Variants in ABCB10 observed in about 807,000 individuals in gnomAD.
ABCB10 encodes the protein ATP binding cassette subfamily B member 10, also known as ATP-binding cassette sub-family B member 10, mitochondrial.
In ABCB10, 54 loss-of-function variants were observed where a neutral mutation model predicts 65.4. The ratio of observed to expected loss-of-function variants is 0.83; its 90% CI spans 0.66 to 1.04. ABCB10 has a LOEUF of 1.04. ABCB10 is among the 50% of genes least tolerant of loss of function. The probability of loss-of-function intolerance (pLI) is 0.00; values close to 1 mark genes in which losing one functional copy is unlikely to be tolerated. For synonymous variants in ABCB10, 418 were observed against 406.5 expected, an observed-to-expected ratio of 1.03 and a Z score of -0.34; for missense variants, 846 against 976.6, an observed-to-expected ratio of 0.87 and a Z score of 1.78.
intron 10 of ABCB10, among the ~76,000 whole-genome samples, chr1:229,523,722 G>C (rs536079276): frequency 6.6e-6 from 1 of 152,168 alleles, no homozygotes; most frequent in African/African-American, 2.4e-5. Context: ...TGGTTACTTC[G>C]CTGAGAAACG....
chr1:229,524,484 G>GA (rs1662386365), intron 10 of ABCB10, among the ~76,000 whole-genome samples: 1 of 151,674 alleles, frequency 6.6e-6, no homozygotes, highest in Non-Finnish European at 1.5e-5. Flanking sequence ...ATCTTGCAAG[G>GA]AAACATTTCA....
intron 6 of ABCB10, among the ~76,000 whole-genome samples, chr1:229,537,427 C>T (rs1012916214): frequency 6.6e-6 from 1 of 152,196 alleles, no homozygotes; most frequent in Non-Finnish European, 1.5e-5. Context: ...AATAGAATTT[C>T]TTGCTTTGTA....
Position 229,544,182 on chromosome 1 carries a change from G to A in ABCB10, c.922-1811C>T, listed in dbSNP as rs573678387. The stretch of plus-strand genomic sequence containing the variant: ...TAATCCTAGCATTTCGGGAGGCTGA[G>A]GCAGGCGGATCGCTTGAGCCCAGGA... On this transcript the variant is annotated intron_variant, in intron 3 of 12. Coordinates refer to ENST00000344517, the MANE Select transcript of ABCB10 (RefSeq NM_012089.3). Among the ~76,000 whole-genome samples the A allele has an allele frequency of 2.6e-5, 4 of 152,304 alleles. No individual in the cohort carries two copies. In the East Asian group the frequency reaches 5.8e-4, roughly 22 times the overall value.
intron 11 of ABCB10, 83 bp downstream of exon 11, chr1:229,521,509 G>T: frequency 2.8e-6 from 4 of 1,409,300 alleles, no homozygotes; most frequent in African/African-American, 1.5e-5. Flanking sequence ...AAAGGAAGAA[G>T]ACAAATAGTA....
chr1:229,534,009 T>C (rs779574842), intron 6 of ABCB10, among the ~76,000 whole-genome samples: 3 of 152,132 alleles, frequency 2.0e-5, no homozygotes, highest in Non-Finnish European at 2.9e-5. Context: ...GAAGAAAATA[T>C]CTGTAAAAGA....
At position 229,558,624 on chromosome 1, in the gene ABCB10, C is replaced by T; in HGVS notation, c.29G>A (p.Arg10Gln). The change falls in exon 1 of 13, where the codon CGG (arginine) becomes CAG (glutamine). Residue 10 changes from arginine (R) to glutamine (Q), a missense_variant. By Grantham distance (43) the Arg-to-Gln change is conservative (BLOSUM62 1). Transcript: ENST00000344517. ...GGCAGGGCTCGGTGGCTCGAGCAGC[C>T]GCAGCGGCCAGGCAGGGGGGCCTCG... MRGPPAWPL[R>Q]LLEPPSPAEP... 2 of 1,409,772 alleles carry T rather than the reference C, an allele frequency of 1.4e-6. No homozygotes were observed. Among genetic ancestry groups the T allele is most frequent in the Non-Finnish European group, 1.8e-6 (2 of 1,081,998 alleles). The allele number at this position is 1,409,772 out of a possible 1,614,324, so 87.3% of individuals were successfully genotyped here.
intron 10 of ABCB10, among the ~76,000 whole-genome samples, chr1:229,524,751 C>A (rs1296942000): frequency 2.0e-5 from 3 of 152,118 alleles, no homozygotes; most frequent in Non-Finnish European, 4.4e-5. Context: ...TGTCTATGCA[C>A]GGCCCTCAAG....
intron 10 of ABCB10, 65 bp downstream of exon 10, chr1:229,525,871 A>C (rs1662427300): frequency 6.6e-7 from 1 of 1,524,066 alleles, no homozygotes; most frequent in Non-Finnish European, 8.8e-7. Context: ...AACAAAAAAA[A>C]CAAGAAACAT....
intron 6 of ABCB10, chr1:229,535,218 G>T (rs1446052755): frequency 6.6e-6 from 1 of 152,028 alleles, no homozygotes; most frequent in African/African-American, 2.4e-5. Context: ...CAATCAAGCG[G>T]TTATACTCCT....
intron 9 of ABCB10, 79 bp downstream of exon 9, chr1:229,527,150 G>A (rs1248025512): frequency 2.8e-5 from 35 of 1,268,926 alleles, no homozygotes; most frequent in Admixed American, 4.1e-5. Context: ...TGAGAAGTTC[G>A]AGACAAAAAA....
chr1:229,523,041 C>T (rs1374282612), intron 10 of ABCB10, among the ~76,000 whole-genome samples: 1 of 152,032 alleles, frequency 6.6e-6, no homozygotes, highest in East Asian at 1.9e-4. Flanking sequence ...TTATGATGTT[C>T]TTTTTTTCCC....
intron 9 of ABCB10, 55 bp downstream of exon 9, chr1:229,527,174 A>G (rs1662465347): frequency 8.5e-6 from 13 of 1,524,852 alleles, no homozygotes; most frequent in Non-Finnish European, 1.1e-5. Flanking sequence ...AAAAAGCAAA[A>G]GACAAAAGTA....
In ABCB10 at chr1:229,547,601, G is replaced by A. The variant is rs769824440; in HGVS notation, c.819C>T (p.Asn273=). ...FDKTRTGELI[N]RLSSDTALLG... ...GGAGTGCAGTGTCTGATGAGAGGCG[G>A]TTAATCAATTCTCCTGTGCGAGTCT... Residue 273 remains asparagine (N), a synonymous_variant, in exon 3 of 13, where the codon AAC becomes AAT. Coordinates refer to ENST00000344517, the MANE Select transcript of ABCB10 (RefSeq NM_012089.3). 1 of 1,614,160 alleles carries A rather than the reference G, an allele frequency of 6.2e-7. No individual in the cohort carries two copies. The highest frequency in any genetic ancestry group is 8.5e-7 in the Non-Finnish European group (1 of 1,180,018).
Position 229,525,970 on chromosome 1 carries a change from G to A in ABCB10, c.1872C>T (p.Asn624=), listed in dbSNP as rs756855560. The A allele has an allele frequency of 1.9e-6, 3 of 1,614,228 alleles. No homozygotes were observed. The highest frequency in any genetic ancestry group is 1.1e-5 in the South Asian group (1 of 91,084). ...GAACACCCTTTTCTCCAACCACAGT[G>A]TTGAACCCTTGGGGGAAATTCCGGA... is the stretch of plus-strand genomic sequence containing the variant. The part of the protein sequence containing the change: ...AFIRNFPQGF[N]TVVGEKGVLL... Residue 624 remains asparagine, a synonymous_variant, in exon 10 of 13, where the codon AAC becomes AAT. Coordinates refer to ENST00000344517, the MANE Select transcript of ABCB10 (RefSeq NM_012089.3).
At position 229,531,503 on chromosome 1, in the gene ABCB10, G is replaced by T; in HGVS notation, c.1435+133C>A. On this transcript the variant is annotated intron_variant, in intron 7 of 12. Transcript: ENST00000344517. ...AGAAAACCTGACCACCTCCTCACCCGGCCCGCCATGCAGCAGGAGCCACAT... is the reference window on the plus strand; with the variant it reads ...AGAAAACCTGACCACCTCCTCACCCTGCCCGCCATGCAGCAGGAGCCACAT... The T allele has an allele frequency of 7.0e-6, 6 of 858,196 alleles. No homozygotes were observed. In the East Asian group the frequency reaches 7.9e-5, roughly 11 times the overall value. 53.2% of individuals were successfully genotyped at this position (858,196 alleles called of 1,614,324 possible). A position where few individuals can be genotyped will look rare whatever the true frequency, so the allele number is the denominator to read the frequency against.
At chr1:229,546,107 G>A (rs1044261598) in intron 3 of ABCB10, among the ~76,000 whole-genome samples, 10 of 151,602 alleles carry the variant, frequency 6.6e-5, no homozygotes, top group Admixed American at 1.3e-4. Context: ...GGGAGGAGGA[G>A]GTTGCAGTGA....
chr1:229,524,896 C>T (rs1299822357), intron 10 of ABCB10, among the ~76,000 whole-genome samples: 1 of 152,114 alleles, frequency 6.6e-6, no homozygotes, highest in Non-Finnish European at 1.5e-5. Flanking sequence ...TTCTGTCTCC[C>T]AGGCTGGAGT....
At chr1:229,535,729 CT>C (rs34439249) in intron 6 of ABCB10, among the ~76,000 whole-genome samples, 182 of 142,612 alleles carry the variant, frequency 1.3e-3, no homozygotes, top group Admixed American at 1.2e-3. Context: ...AATGTAGGCT[CT>C]TTTTTTTTTT....
chr1:229,523,238 T>C (rs558525596), intron 10 of ABCB10, among the ~76,000 whole-genome samples: 9 of 152,310 alleles, frequency 5.9e-5, no homozygotes, highest in Admixed American at 1.3e-4. Flanking sequence ...TCCCTATCTT[T>C]GTCTCACCCC....
Sources: gnomAD v4.1 joint callset for allele counts (sites outside exome capture counted in the v4.1 genomes callset) on GRCh38, gnomAD v4.1.1 for gene constraint, MANE v1.5 for transcripts, NCBI Gene and HGNC (gene_info 2026-07-23, HGNC 2026-07-21) for gene names.